RACK1: variants seen among roughly 807,000 people sequenced by gnomAD.
RACK1 encodes the protein receptor for activated C kinase 1.
In RACK1, 3 loss-of-function variants were observed where a neutral mutation model predicts 42.2. The ratio of observed to expected loss-of-function variants is 0.07; its 90% CI spans 0.03 to 0.18. The LOEUF is 0.18. RACK1 is among the 10% of genes least tolerant of loss of function. The pLI, the probability that RACK1 is intolerant of heterozygous loss-of-function variation, is 1.00. For synonymous variants in RACK1, 181 were observed against 154.8 expected (o/e 1.17, Z -1.25); for missense variants, 146 against 403.2 (o/e 0.36, Z 5.46).
rs1011732504 is a variant in RACK1 at position 181,238,809 on chromosome 5, CAA to C, written c.636+256_636+257del. The C allele has an allele frequency of 2.5e-5, 11 of 447,902 alleles. No homozygotes were observed. In the Middle Eastern group the frequency reaches 2.0e-3, roughly 83 times the overall value. The allele number at this position is 447,902 out of a possible 1,614,324, so 27.7% of individuals were successfully genotyped here. On this transcript the variant is annotated intron_variant, in intron 5 of 7. Coordinates refer to ENST00000512805, the MANE Select transcript of RACK1 (RefSeq NM_006098.5). ...GTGAGACTCCGTCTCAAAAAAAAAA[CAA>C]AAAACAAACAAACAAAAAAACAACA...
chr5:181,240,362 C>CAA (rs1195936158), intron 3 of RACK1: 1 of 153,794 alleles, frequency 6.5e-6, no homozygotes, highest in Non-Finnish European at 1.5e-5. Context: ...CAAAACAAAA[C>CAA]AAAATAGTAG....
intron 5 of RACK1, 183 bp downstream of exon 5, chr5:181,238,884 T>C: frequency 1.5e-6 from 1 of 676,856 alleles, no homozygotes; most frequent in South Asian, 1.5e-5. Context: ...TTCCAGATAG[T>C]ATGCCTTAAC....
intron 1 of RACK1, 186 bp downstream of exon 1, chr5:181,243,506 G>A: frequency 2.1e-6 from 3 of 1,421,634 alleles, no homozygotes; most frequent in Non-Finnish European, 2.8e-6. Context: ...CTGCAATGTG[G>A]TTCGCCCGGG....
Position 181,237,627 on chromosome 5 carries a change from G to A in RACK1, c.870C>T (p.Ala290=). 6.2e-7 allele frequency: 1 copy of A among 1,601,590 alleles called. No homozygotes were observed. Among genetic ancestry groups the A allele is most frequent in the Non-Finnish European group, 8.6e-7 (1 of 1,168,546 alleles). The change falls in exon 7 of 8, where the codon GCC becomes GCT. Residue 290 remains alanine, a synonymous_variant. Coordinates refer to ENST00000512805, the MANE Select transcript of RACK1 (RefSeq NM_006098.5). Reference sequence around the variant, plus strand: ...CACTTACCTGGCCATCAGCAGACCAGGCCAGGGAGGTGCACTGGGGTGGTT... The same window carrying A: ...CACTTACCTGGCCATCAGCAGACCAAGCCAGGGAGGTGCACTGGGGTGGTT... ...KAEPPQCTSL[A]WSADGQTLFA...
At chr5:181,240,375 A>AT (rs1759295120) in intron 3 of RACK1, 1 of 153,774 alleles carries the variant, frequency 6.5e-6, no homozygotes, top group East Asian at 1.9e-4. Context: ...AATAGTAGTG[A>AT]TAAGGCCGGG....
At chr5:181,240,618 C>T (rs1759306979) in intron 3 of RACK1, 1 of 152,250 alleles carries the variant, frequency 6.6e-6, no homozygotes. Flanking sequence ...CCACCCATCC[C>T]CAAATCCCCG....
chr5:181,238,445 C>T, intron 5 of RACK1: 1 of 547,500 alleles, frequency 1.8e-6, no homozygotes. Flanking sequence ...AAACCCCTCC[C>T]AACTTACATA....
intron 3 of RACK1, 38 bp from the exon 4 acceptor site, chr5:181,239,620 T>C: frequency 7.2e-7 from 1 of 1,390,076 alleles, no homozygotes; most frequent in Non-Finnish European, 1.0e-6. Flanking sequence ...CAAACAGTCC[T>C]ATCCCATGAA....
chr5:181,243,644 T>A (rs1030302881), intron 1 of RACK1, 48 bp downstream of exon 1: 12 of 1,548,180 alleles, frequency 7.8e-6, no homozygotes. Context: ...ACACGCGGAA[T>A]CCCCCAGCCC....
At chr5:181,241,448 AGT>A in intron 3 of RACK1, 42 bp downstream of exon 3, 1 of 1,509,188 alleles carries the variant, frequency 6.6e-7, no homozygotes, top group Non-Finnish European at 8.9e-7. Context: ...AAAAAAGCAA[AGT>A]TTAAGAGGGT....
At chr5:181,239,702 A>C in intron 3 of RACK1, 120 bp from the exon 4 acceptor site, 1 of 640,268 alleles carries the variant, frequency 1.6e-6, no homozygotes, top group Non-Finnish European at 2.8e-6. Flanking sequence ...CAAGAACCCA[A>C]ACCTTTAAGC....
At chr5:181,238,700 G>A (rs1057279949) in intron 5 of RACK1, 12 of 364,572 alleles carry the variant, frequency 3.3e-5, no homozygotes, top group Non-Finnish European at 5.8e-5. Context: ...TACTCGGGAG[G>A]CTGAGATGGG....
At position 181,241,528 on chromosome 5, in the gene RACK1, T is replaced by C; in HGVS notation, c.393A>G (p.Leu131=). The part of the protein sequence containing the change: ...VSGSRDKTIK[L]WNTLGVCKYT... ...ATTTGCACACACCCAGGGTATTCCA[T>C]AGCTTGATGGTTTTATCTCGAGATC... Residue 131 remains leucine, a synonymous_variant, in exon 3 of 8, where the codon CTA becomes CTG. Transcript: ENST00000512805. The C allele has an allele frequency of 6.2e-7, 1 of 1,612,960 alleles. No homozygotes were observed. Among genetic ancestry groups the C allele is most frequent in the Non-Finnish European group, 8.5e-7 (1 of 1,179,734 alleles).
intron 1 of RACK1, chr5:181,243,419 G>A (rs761408566): frequency 9.4e-6 from 14 of 1,486,708 alleles, no homozygotes; most frequent in South Asian, 2.3e-5. Context: ...CGAAGGAGAA[G>A]GCAAAAGATA....
chr5:181,241,151 G>A (rs191892604), intron 3 of RACK1: 1 of 179,404 alleles, frequency 5.6e-6, no homozygotes, highest in Admixed American at 5.9e-5. Context: ...GCAAAGATAG[G>A]CAGGTGGGGG....
chr5:181,238,399 T>C lies in RACK1; in HGVS notation c.637-160A>G, dbSNP rs187751892. The C allele has an allele frequency of 5.8e-6, 4 of 686,506 alleles. No individual in the cohort carries two copies. In the Admixed American group the frequency reaches 1.1e-4, roughly 20 times the overall value. 42.5% of individuals were successfully genotyped at this position (686,506 alleles called of 1,614,324 possible). A position where few individuals can be genotyped will look rare whatever the true frequency, so the allele number is the denominator to read the frequency against. On this transcript the variant is annotated intron_variant, in intron 5 of 7. Coordinates refer to ENST00000512805, the MANE Select transcript of RACK1 (RefSeq NM_006098.5). ...GTACCAATATTTATCTCTGTATACCTTTCCTTTAACGTAAGACCTTACCAA... is the reference window on the plus strand; with the variant it reads ...GTACCAATATTTATCTCTGTATACCCTTCCTTTAACGTAAGACCTTACCAA...
rs770353665 is a variant in RACK1 at position 181,237,023 on chromosome 5, G to A, written c.908C>T (p.Thr303Met). 1.5e-5 allele frequency: 25 copies of A among 1,613,900 alleles called. No individual in the cohort carries two copies. The highest frequency in any genetic ancestry group is 1.8e-5 in the Non-Finnish European group (21 of 1,180,014). Reference sequence around the variant, plus strand: ...CTGCCACACTCGCACCAGGTTGTCCGTGTAGCCAGCAAACAGAGTCTGCAG... The same window carrying A: ...CTGCCACACTCGCACCAGGTTGTCCATGTAGCCAGCAAACAGAGTCTGCAG... ...ADGQTLFAGY[T>M]DNLVRVWQVT... Residue 303 changes from threonine (T) to methionine (M), a missense_variant, in exon 8 of 8, where the codon ACG becomes ATG. Coordinates refer to ENST00000512805, the MANE Select transcript of RACK1 (RefSeq NM_006098.5).
chr5:181,240,659 G>T (rs1032656106), intron 3 of RACK1, among the ~76,000 whole-genome samples: 2 of 150,048 alleles, frequency 1.3e-5, no homozygotes, highest in African/African-American at 4.9e-5. Flanking sequence ...TCCCAAATCT[G>T]CGATCTAGCC....
intron 2 of RACK1, 92 bp downstream of exon 2, chr5:181,242,082 T>TG: frequency 8.7e-7 from 1 of 1,153,602 alleles, no homozygotes; most frequent in Non-Finnish European, 1.3e-6. Context: ...CCAAATGGAC[T>TG]GGATCTCCCC....
Sources: allele counts gnomAD v4.1 joint callset (sites outside exome capture counted in the v4.1 genomes callset), GRCh38; gene constraint gnomAD v4.1.1; transcripts MANE v1.5; gene names NCBI Gene and HGNC (gene_info 2026-07-23, HGNC 2026-07-21).